The following NFATC2 variants were observed in gnomAD, a reference collection of about 807,000 sequenced individuals.
NFATC2 encodes the protein nuclear factor of activated T cells 2, also known as nuclear factor of activated T-cells, cytoplasmic 2.
A neutral mutation model predicts 87.3 loss-of-function variants in NFATC2; 22 were observed. That is an observed-to-expected ratio of 0.25 (90% CI 0.18 to 0.36). NFATC2 has a LOEUF of 0.36. NFATC2 is among the 10% of genes least tolerant of loss of function. The pLI is 1.00. For missense variants in NFATC2, 1,149 were observed against 1,259.1 expected, an observed-to-expected ratio of 0.91 and a Z score of 1.32; for synonymous variants, 565 against 542.2, an observed-to-expected ratio of 1.04 and a Z score of -0.58.
intron 3 of NFATC2, among the ~76,000 whole-genome samples, chr20:51,482,120 C>T (rs1321247632): frequency 2.0e-5 from 3 of 151,936 alleles, no homozygotes; most frequent in Non-Finnish European, 2.9e-5. Context: ...ATCCCCCCAC[C>T]CCCAGCCCCC....
chr20:51,392,775 A>T (rs1986514551), intron 10 of NFATC2, among the ~76,000 whole-genome samples: 1 of 152,156 alleles, frequency 6.6e-6, no homozygotes, highest in South Asian at 2.1e-4. Context: ...GAGTTGCCCG[A>T]AGTTTCTCCA....
chr20:51,398,813 T>A (rs1987639521), intron 9 of NFATC2, 83 bp from the exon 10 acceptor site: 2 of 947,830 alleles, frequency 2.1e-6, no homozygotes, highest in Admixed American at 1.9e-5. Flanking sequence ...CTCATGCCGA[T>A]ATCATCCAAG....
At chr20:51,544,469 C>G (rs2076873032), upstream of NFATC2, among the ~76,000 whole-genome samples, 1 of 152,096 alleles carries the variant, frequency 6.6e-6, no homozygotes, top group South Asian at 2.1e-4. Context: ...CATCTCAGCT[C>G]CATTAAGGGG....
chr20:51,398,303 C>T (rs527910282), intron 10 of NFATC2, among the ~76,000 whole-genome samples: 25 of 152,170 alleles, frequency 1.6e-4, no homozygotes, highest in African/African-American at 5.5e-4. Flanking sequence ...TGGAGAGCCT[C>T]ATTTAACTGG....
chr20:51,489,265 T>C (rs1334906580), intron 3 of NFATC2, among the ~76,000 whole-genome samples: 2 of 152,304 alleles, frequency 1.3e-5, no homozygotes, highest in East Asian at 3.9e-4. Flanking sequence ...GGGGCCCCTT[T>C]GGCCCTATCT....
rs772212359 is a variant in NFATC2, at chr20:51,542,421, C to T, written c.79G>A (p.Glu27Lys). ...GHEPGGSPQD[E>K]LDFSILFDYE... ...TCGAAGAGGATGGAGAAGTCAAGCT[C>T]GTCTTGGGGGCTGCCCCCAGGCTCG... The change falls in exon 1 of 11, where the codon GAG becomes AAG. Residue 27 changes from glutamate to lysine, a missense_variant. Glu to Lys is a moderately conservative substitution (Grantham distance 56). Coordinates refer to ENST00000371564, the MANE Select transcript of NFATC2 (RefSeq NM_012340.5). 1.2e-6 allele frequency: 2 copies of T among 1,603,266 alleles called. No homozygotes were observed. Among genetic ancestry groups the T allele is most frequent in the Non-Finnish European group, 8.5e-7 (1 of 1,175,144 alleles).
In NFATC2 at chr20:51,390,033, C is replaced by T. The variant is rs2146190910; in HGVS notation, c.*1463G>A. 1 of 152,254 alleles carries T rather than the reference C, an allele frequency of 6.6e-6. No homozygotes were observed. The highest frequency in any genetic ancestry group is 1.5e-5 in the Non-Finnish European group (1 of 68,020). The allele number at this position is 152,254 out of a possible 1,614,324, so 9.4% of individuals were successfully genotyped here. On this transcript the variant is annotated 3_prime_UTR_variant, in exon 11 of 11. Coordinates refer to ENST00000371564, the MANE Select transcript of NFATC2 (RefSeq NM_012340.5). Reference sequence around the variant, plus strand: ...CAGAAACAAACACATCTGCCAAGAACTTCAAGGGTTTTGTTTGTAAAAATC... The same window carrying T: ...CAGAAACAAACACATCTGCCAAGAATTTCAAGGGTTTTGTTTGTAAAAATC...
At chr20:51,394,568 ATCCCCTGCTGCGCTGATGCTC>A (rs1016604050) in intron 10 of NFATC2, among the ~76,000 whole-genome samples, 1 of 147,010 alleles carries the variant, frequency 6.8e-6, no homozygotes, top group Admixed American at 6.6e-5. Context: ...TCTCCTCACT[ATCCCCTGCTGCGCTGATGCTC>A]TCCTTCCCCC....
chr20:51,544,201 A>C (rs1401854644), upstream of NFATC2, among the ~76,000 whole-genome samples: 2 of 151,670 alleles, frequency 1.3e-5, no homozygotes, highest in Non-Finnish European at 2.9e-5. Flanking sequence ...GTTAGCCAGG[A>C]AGGTCTTGAT....
chr20:51,504,575 C>T (rs143538792), intron 3 of NFATC2, among the ~76,000 whole-genome samples: 2,016 of 152,328 alleles, frequency 0.013, 16 homozygotes, highest in Non-Finnish European at 0.021. Flanking sequence ...CCACCTGTTC[C>T]TCAAAAACCT....
At chr20:51,534,741 C>A (rs1032914843) in intron 1 of NFATC2, among the ~76,000 whole-genome samples, 2 of 152,112 alleles carry the variant, frequency 1.3e-5, no homozygotes, top group African/African-American at 4.8e-5. Context: ...CATTTCAAGT[C>A]CCCCAGAGGG....
At chr20:51,414,976 A>G (rs949414503) in intron 9 of NFATC2, among the ~76,000 whole-genome samples, 6 of 151,992 alleles carry the variant, frequency 3.9e-5, no homozygotes, top group Admixed American at 2.6e-4. Context: ...GGGGCTGGGC[A>G]TGGTTGCTAA....
At chr20:51,501,488 G>A (rs1234475792) in intron 3 of NFATC2, among the ~76,000 whole-genome samples, 1 of 152,240 alleles carries the variant, frequency 6.6e-6, no homozygotes, top group East Asian at 1.9e-4. Context: ...CACCAAGCAA[G>A]CTTCTGCCTC....
At position 51,523,389 on chromosome 20, in the gene NFATC2, T is replaced by A; in HGVS notation, c.852A>T (p.Ala284=). ...CAGCCGGGGAGCCGTGGTCCTGGGG[T>A]GCCACGTGAGATGAGGGCTGCGGCG... The part of the protein sequence containing the change: ...SPSPQPSSHV[A]PQDHGSPAGY... Residue 284 remains alanine, a synonymous_variant, in exon 2 of 11, where the codon GCA becomes GCT. Transcript: ENST00000371564. This position sits in a 1 kb window ranked among gnomAD's most constrained non-coding sequence, Gnocchi z 6.9. The A allele has an allele frequency of 6.2e-7, 1 of 1,609,778 alleles. No individual in the cohort carries two copies. The highest frequency in any genetic ancestry group is 1.1e-5 in the South Asian group (1 of 90,764).
At chr20:51,417,871 C>T (rs924202088) in intron 9 of NFATC2, among the ~76,000 whole-genome samples, 24 of 152,338 alleles carry the variant, frequency 1.6e-4, no homozygotes, top group East Asian at 1.4e-3. Context: ...GAGCAGTTCC[C>T]GAGGCAGCCA....
intron 1 of NFATC2, among the ~76,000 whole-genome samples, chr20:51,554,375 T>A (rs1166233202): frequency 2.0e-5 from 3 of 152,190 alleles, no homozygotes; most frequent in African/African-American, 7.2e-5. Flanking sequence ...TGTTAGACTC[T>A]CCACAAGCAC....
intron 1 of NFATC2, among the ~76,000 whole-genome samples, chr20:51,552,612 A>G (rs2076943591): frequency 6.6e-6 from 1 of 152,122 alleles, no homozygotes; most frequent in African/African-American, 2.4e-5. Context: ...GCAGGCACTG[A>G]TGGCCATCAG....
chr20:51,489,117 G>C (rs1294228107), intron 3 of NFATC2, among the ~76,000 whole-genome samples: 1 of 152,368 alleles, frequency 6.6e-6, no homozygotes, highest in East Asian at 1.9e-4. Context: ...TTGAACCCAG[G>C]AGGCAGAGGT....
At chr20:51,430,720 T>C (rs1347791515) in intron 9 of NFATC2, among the ~76,000 whole-genome samples, 2 of 151,974 alleles carry the variant, frequency 1.3e-5, no homozygotes, top group Non-Finnish European at 2.9e-5. Flanking sequence ...TTTTGTAGAG[T>C]AAAGGTCAAC....
Sources: gnomAD v4.1 joint callset for allele counts (sites outside exome capture counted in the v4.1 genomes callset) on GRCh38, gnomAD v4.1.1 for gene constraint, Gnocchi (gnomAD v3.1) non-coding constraint, MANE v1.5 for transcripts, NCBI Gene and HGNC (gene_info 2026-07-23, HGNC 2026-07-21) for gene names.